DCC: variants seen among roughly 807,000 people sequenced by gnomAD.
DCC encodes DCC netrin 1 receptor.
A neutral mutation model predicts 172.5 loss-of-function variants in DCC; 58 were observed. That is an observed-to-expected ratio of 0.34 (90% CI 0.27 to 0.42). The LOEUF (loss-of-function observed/expected upper bound fraction) is 0.42, where lower values mean the gene tolerates loss of function less well. DCC is among the 10% of genes least tolerant of loss of function. DCC has a pLI of 1.00. For missense variants in DCC, 1,740 were observed against 1,791.0 expected (o/e 0.97, Z 0.51); for synonymous variants, 709 against 644.5 (o/e 1.10, Z -1.52).
intron 1 of DCC, among the ~76,000 whole-genome samples, chr18:52,508,469 C>G (rs1465838635): frequency 1.3e-5 from 2 of 151,978 alleles, no homozygotes; most frequent in African/African-American, 2.4e-5. Context: ...GATGTTGAAC[C>G]ACACCTATAA....
At position 53,066,103 on chromosome 18, in the gene DCC, T is replaced by A; in HGVS notation, c.1198T>A (p.Cys400Ser). The change falls in exon 7 of 29, where the codon TGT becomes AGT. Residue 400 changes from cysteine to serine, a missense_variant. By Grantham distance (112) the Cys-to-Ser change is moderately radical (BLOSUM62 -1). This residue lies in a region of DCC where 1,732 missense variants were observed against 1,767.4 expected (regional missense o/e 0.98). Transcript: ENST00000442544. ...GAAGTCAGATGAAGGCTTTTATCAA[T>A]GTGTGGCTGAAAATGAGGCTGGAAA... ...VVKSDEGFYQ[C>S]VAENEAGNAQ... is the part of the protein sequence containing the mutation. The A allele has an allele frequency of 6.2e-7, 1 of 1,613,462 alleles. No individual in the cohort carries two copies. The highest frequency in any genetic ancestry group is 8.5e-7 in the Non-Finnish European group (1 of 1,179,638).
chr18:52,534,260 A>G (rs1006042076), intron 1 of DCC, among the ~76,000 whole-genome samples: 2 of 152,172 alleles, frequency 1.3e-5, no homozygotes, highest in Non-Finnish European at 2.9e-5. Context: ...TAACAACTCT[A>G]AGATCCAAGA....
chr18:52,512,647 A>ACATAC (rs2031484008), intron 1 of DCC, among the ~76,000 whole-genome samples: 1 of 152,216 alleles, frequency 6.6e-6, no homozygotes, highest in Non-Finnish European at 1.5e-5. Flanking sequence ...ATTCAGTCAT[A>ACATAC]CATACCATAG....
At chr18:53,474,728 C>T (rs1411518537) in intron 25 of DCC, among the ~76,000 whole-genome samples, 1 of 152,080 alleles carries the variant, frequency 6.6e-6, no homozygotes, top group Admixed American at 6.6e-5. Flanking sequence ...TTATCAGCAG[C>T]GTGAAAATGG....
At chr18:53,340,797 C>T (rs541502590) in intron 15 of DCC, among the ~76,000 whole-genome samples, 41 of 152,086 alleles carry the variant, frequency 2.7e-4, no homozygotes, top group African/African-American at 9.4e-4. Context: ...ATTACATGAC[C>T]CCACTGGAAA....
chr18:52,686,962 C>T (rs1002715361), intron 1 of DCC, among the ~76,000 whole-genome samples: 1 of 152,034 alleles, frequency 6.6e-6, no homozygotes. Context: ...CATCTTTTCC[C>T]ACTCCCATAT....
chr18:52,346,212 T>C lies in DCC; in HGVS notation c.91+5334T>C, dbSNP rs77830482. 2.0e-3 allele frequency among the ~76,000 whole-genome samples: 311 copies of C among 152,320 alleles called. 1 individual carries two copies. Among genetic ancestry groups the C allele is most frequent in the African/African-American group, 7.1e-3 (295 of 41,586 alleles). Reference sequence around the variant, plus strand: ...CAATAAAAAATGTGCAAGATAGAATTACATGTTGCATATGCCAAATAGGTA... The same window carrying C: ...CAATAAAAAATGTGCAAGATAGAATCACATGTTGCATATGCCAAATAGGTA... On this transcript the variant is annotated intron_variant, in intron 1 of 28. Coordinates refer to ENST00000442544, the MANE Select transcript of DCC (RefSeq NM_005215.4).
chr18:52,361,474 T>C (rs1984614734), intron 1 of DCC, among the ~76,000 whole-genome samples: 1 of 152,190 alleles, frequency 6.6e-6, no homozygotes, highest in Non-Finnish European at 1.5e-5. Context: ...AAAGACATGA[T>C]TGAGATGAGA....
chr18:53,305,413 A>T (rs2057188376), intron 12 of DCC, among the ~76,000 whole-genome samples, 165 bp from the exon 13 acceptor site: 4 of 152,240 alleles, frequency 2.6e-5, no homozygotes, highest in African/African-American at 9.6e-5. Context: ...GACAAATAAG[A>T]ATGCTGTCAG....
chr18:52,359,019 G>C (rs1984503543), intron 1 of DCC, among the ~76,000 whole-genome samples: 1 of 151,964 alleles, frequency 6.6e-6, no homozygotes, highest in Non-Finnish European at 1.5e-5. Context: ...ATTTAACTAG[G>C]GTCTGTAATT....
intron 1 of DCC, among the ~76,000 whole-genome samples, chr18:52,631,814 C>CT (rs2034681923): frequency 1.3e-5 from 2 of 152,310 alleles, no homozygotes; most frequent in African/African-American, 4.8e-5. Context: ...ATGAAGGACT[C>CT]AAGGACTCAA....
At chr18:53,205,606 A>G (rs763059688) in intron 10 of DCC, among the ~76,000 whole-genome samples, 3 of 152,118 alleles carry the variant, frequency 2.0e-5, no homozygotes, top group Non-Finnish European at 4.4e-5. Flanking sequence ...AAGGATACCA[A>G]TTTTTTGGTT....
intron 2 of DCC, among the ~76,000 whole-genome samples, chr18:52,804,873 C>T (rs921825915): frequency 1.1e-4 from 16 of 152,146 alleles, no homozygotes; most frequent in African/African-American, 2.4e-4. Context: ...TGACCTACTG[C>T]GCCTGGCCCT....
At chr18:52,839,919 A>G (rs1312631958) in intron 2 of DCC, among the ~76,000 whole-genome samples, 1 of 152,236 alleles carries the variant, frequency 6.6e-6, no homozygotes. Context: ...AGATACCTTT[A>G]AATAAAACAT....
intron 12 of DCC, among the ~76,000 whole-genome samples, chr18:53,296,979 C>T (rs920207942): frequency 3.3e-5 from 5 of 152,038 alleles, no homozygotes; most frequent in East Asian, 1.9e-4. Context: ...CTGTGTTTGA[C>T]GAGGATCAAA....
intron 21 of DCC, among the ~76,000 whole-genome samples, chr18:53,426,853 G>A (rs796747996): frequency 3.9e-4 from 60 of 152,174 alleles, no homozygotes; most frequent in African/African-American, 1.3e-3. Context: ...CAACAGTGTC[G>A]TTATCTACAC....
chr18:52,354,038 G>C (rs1329993825), intron 1 of DCC, among the ~76,000 whole-genome samples: 1 of 152,194 alleles, frequency 6.6e-6, no homozygotes, highest in African/African-American at 2.4e-5. Flanking sequence ...GGAAGAGAGA[G>C]AACAAAATCC....
At chr18:52,940,242 A>G (rs1402705177) in intron 5 of DCC, among the ~76,000 whole-genome samples, 1 of 152,182 alleles carries the variant, frequency 6.6e-6, no homozygotes, top group Non-Finnish European at 1.5e-5. Context: ...CTTGTATAAA[A>G]TGATGGATCT....
intron 1 of DCC, among the ~76,000 whole-genome samples, chr18:52,696,368 C>G (rs1338987656): frequency 6.6e-6 from 1 of 152,152 alleles, no homozygotes; most frequent in Non-Finnish European, 1.5e-5. Context: ...TCAAGCTCAA[C>G]AGGACATCTG....
Sources: allele counts gnomAD v4.1 joint callset (sites outside exome capture counted in the v4.1 genomes callset), GRCh38; gene constraint gnomAD v4.1.1; regional missense constraint gnomAD v4.1.1; transcripts MANE v1.5; gene names NCBI Gene and HGNC (gene_info 2026-07-23, HGNC 2026-07-21).